Variants in LINGO2 observed in about 807,000 individuals in gnomAD.
The protein encoded by LINGO2 is leucine rich repeat and Ig domain containing 2.
In LINGO2, 14 loss-of-function variants were observed where a neutral mutation model predicts 30.6. The observed-to-expected ratio is 0.46, with a 90% CI of 0.30 to 0.72. The LOEUF (loss-of-function observed/expected upper bound fraction) is 0.72, where lower values mean the gene tolerates loss of function less well. LINGO2 is among the 30% of genes least tolerant of loss of function. The pLI is 0.07. For missense variants in LINGO2, 729 were observed against 751.7 expected (o/e 0.97, Z 0.35); for synonymous variants, 317 against 288.5 (o/e 1.10, Z -1.00).
chr9:28,490,184 A>G (rs1400511957), intron 1 of LINGO2, among the ~76,000 whole-genome samples: 1 of 152,138 alleles, frequency 6.6e-6, no homozygotes, highest in Non-Finnish European at 1.5e-5. Flanking sequence ...GAGCAGGCCC[A>G]GTGGAACAAG....
chr9:28,742,896 A>C, the LINGO2 span, among the ~76,000 whole-genome samples: 2 of 151,994 alleles, frequency 1.3e-5, no homozygotes, highest in African/African-American at 2.4e-5. Context: ...TAGGACCAAT[A>C]ATTCAATTAA....
At chr9:28,727,702 G>A in the LINGO2 span, among the ~76,000 whole-genome samples, 1 of 152,178 alleles carries the variant, frequency 6.6e-6, no homozygotes, top group Admixed American at 6.5e-5. Context: ...ACAAAGAAAG[G>A]TGGGATGAAA....
At chr9:29,008,833 C>G in the LINGO2 span, among the ~76,000 whole-genome samples, 1 of 152,072 alleles carries the variant, frequency 6.6e-6, no homozygotes. Flanking sequence ...GCTTATCCAC[C>G]ATGATCAAGT....
intron 5 of LINGO2, among the ~76,000 whole-genome samples, chr9:27,951,393 C>G (rs1239199316): frequency 6.6e-6 from 1 of 152,072 alleles, no homozygotes; most frequent in African/African-American, 2.4e-5. Flanking sequence ...TTTTGTTTCT[C>G]ATAGGAATGA....
intron 1 of LINGO2, among the ~76,000 whole-genome samples, chr9:28,493,761 C>A (rs1395277593): frequency 6.6e-6 from 1 of 152,158 alleles, no homozygotes; most frequent in Non-Finnish European, 1.5e-5. Flanking sequence ...CACACTTAAT[C>A]TGAGTGGGTA....
intron 1 of LINGO2, among the ~76,000 whole-genome samples, chr9:28,565,756 A>T (rs940541711): frequency 3.1e-4 from 47 of 151,210 alleles, no homozygotes; most frequent in Non-Finnish European, 5.6e-4. Flanking sequence ...GGGTTTCACC[A>T]TGTTAGCCAG....
the LINGO2 span, among the ~76,000 whole-genome samples, chr9:29,189,615 CG>C: frequency 6.6e-6 from 1 of 151,644 alleles, no homozygotes; most frequent in East Asian, 2.0e-4. Context: ...GACGGGGTGG[CG>C]GCCGGGCAGA....
At chr9:29,092,661 A>C in the LINGO2 span, among the ~76,000 whole-genome samples, 1 of 139,126 alleles carries the variant, frequency 7.2e-6, no homozygotes, top group Admixed American at 7.4e-5. Flanking sequence ...TATGTTTGTG[A>C]CTCTAGAATT....
At chr9:28,673,563 A>G (rs1477392287), upstream of LINGO2, among the ~76,000 whole-genome samples, 1 of 151,866 alleles carries the variant, frequency 6.6e-6, no homozygotes, top group African/African-American at 2.4e-5. Flanking sequence ...GCTACTTGGG[A>G]GGCTGAGGTA....
In LINGO2 at chr9:28,531,048, A is replaced by AATATATAT. The variant is rs543973777; in HGVS notation, c.-364-55031_-364-55024dup. On this transcript the variant is annotated intron_variant, in intron 1 of 5. Coordinates refer to ENST00000379992, the Ensembl canonical transcript of LINGO2. ...TATAAGTATGCCATATATAAAAATA[A>AATATATAT]ATATATATATATATATAATATATAA... is the stretch of plus-strand genomic sequence containing the variant. Among the ~76,000 whole-genome samples, 1,055 of 146,432 alleles carry AATATATAT rather than the reference A, an allele frequency of 7.2e-3. 16 individuals are homozygous for AATATATAT. The highest frequency in any genetic ancestry group is 0.025 in the African/African-American group (1,009 of 40,250).
chr9:29,178,781 GAGGAA>G, the LINGO2 span, among the ~76,000 whole-genome samples: 1 of 151,988 alleles, frequency 6.6e-6, no homozygotes, highest in Non-Finnish European at 1.5e-5. Context: ...CCACCAGGAA[GAGGAA>G]AGGAAACAGT....
the LINGO2 span, among the ~76,000 whole-genome samples, chr9:29,085,148 C>G: frequency 6.6e-6 from 1 of 151,616 alleles, no homozygotes; most frequent in African/African-American, 2.4e-5. Context: ...ATTATCATAG[C>G]TGCAGGATTC....
the LINGO2 span, among the ~76,000 whole-genome samples, chr9:28,743,231 T>C: frequency 2.2e-4 from 34 of 152,116 alleles, 1 homozygote; most frequent in Admixed American, 1.2e-3. Flanking sequence ...TATATGCAGA[T>C]CGTGCAGGTT....
At chr9:28,359,096 C>T (rs553370626) in intron 3 of LINGO2, among the ~76,000 whole-genome samples, 1 of 152,050 alleles carries the variant, frequency 6.6e-6, no homozygotes, top group Non-Finnish European at 1.5e-5. Flanking sequence ...TTTACCTAAC[C>T]CAAACTTCTA....
chr9:28,948,282 C>G, the LINGO2 span, among the ~76,000 whole-genome samples: 1 of 151,948 alleles, frequency 6.6e-6, no homozygotes. Context: ...TTTTCAGATG[C>G]TTGTGGATGT....
intron 5 of LINGO2, among the ~76,000 whole-genome samples, chr9:27,992,569 G>C (rs1265400515): frequency 6.6e-6 from 1 of 151,950 alleles, no homozygotes; most frequent in Non-Finnish European, 1.5e-5. Context: ...AGGATGCTGC[G>C]GGAGAACAGA....
chr9:28,049,521 G>T (rs969998323), intron 4 of LINGO2, among the ~76,000 whole-genome samples: 1 of 150,440 alleles, frequency 6.6e-6, no homozygotes, highest in African/African-American at 2.5e-5. Flanking sequence ...GAAATAGCAT[G>T]GTGAGTAAGA....
intron 4 of LINGO2, among the ~76,000 whole-genome samples, chr9:28,280,713 C>T (rs999731945): frequency 6.6e-6 from 1 of 152,076 alleles, no homozygotes; most frequent in Non-Finnish European, 1.5e-5. Context: ...AGTAAGTACT[C>T]ATGGTACTGT....
At chr9:28,359,511 A>G (rs1259371465) in intron 3 of LINGO2, among the ~76,000 whole-genome samples, 2 of 152,106 alleles carry the variant, frequency 1.3e-5, no homozygotes, top group African/African-American at 2.4e-5. Context: ...ACATGAAACA[A>G]TTTGTTTTAT....
Sources: gnomAD v4.1 joint callset for allele counts (sites outside exome capture counted in the v4.1 genomes callset) on GRCh38, gnomAD v4.1.1 for gene constraint, MANE v1.5 for transcripts, NCBI Gene and HGNC (gene_info 2026-07-23, HGNC 2026-07-21) for gene names.